The following VRK2 variants were observed in gnomAD, a reference collection of about 807,000 sequenced individuals.
VRK2 encodes VRK serine/threonine kinase 2.
Under a neutral mutation model 57.6 loss-of-function variants are expected in VRK2, and 60 were observed. The ratio of observed to expected loss-of-function variants is 1.04; its 90% CI spans 0.85 to 1.29. The LOEUF (loss-of-function observed/expected upper bound fraction) is 1.29. Ranked by LOEUF, VRK2 falls within the 50% of genes most tolerant of loss-of-function variation. The probability of loss-of-function intolerance (pLI) is 0.00; values close to 1 mark genes in which losing one functional copy is unlikely to be tolerated. For synonymous variants in VRK2, 231 were observed against 199.2 expected, an observed-to-expected ratio of 1.16 and a Z score of -1.35; for missense variants, 705 against 588.1, an observed-to-expected ratio of 1.20 and a Z score of -2.06.
intron 1 of VRK2, among the ~76,000 whole-genome samples, chr2:57,985,377 T>G (rs369376074): frequency 3.9e-5 from 6 of 152,202 alleles, no homozygotes; most frequent in Admixed American, 6.5e-5. Flanking sequence ...GACATATTTC[T>G]GTGGCTATTT....
intron 1 of VRK2, among the ~76,000 whole-genome samples, chr2:58,007,422 G>A (rs200487385): frequency 6.6e-6 from 1 of 151,574 alleles, no homozygotes; most frequent in East Asian, 1.9e-4. Context: ...CTTCCAGCCC[G>A]AGACAGCAAG....
chr2:58,114,571 TAA>T (rs1380127413), intron 7 of VRK2, among the ~76,000 whole-genome samples: 1 of 152,136 alleles, frequency 6.6e-6, no homozygotes, highest in African/African-American at 2.4e-5. Context: ...GCGAAAGTGG[TAA>T]AAGTATTGTC....
chr2:58,031,516 T>A (rs554241190), intron 2 of VRK2, among the ~76,000 whole-genome samples: 93 of 152,124 alleles, frequency 6.1e-4, no homozygotes, highest in African/African-American at 2.0e-3. Flanking sequence ...AGAGTTAAAA[T>A]AAAGAAAACA....
intron 1 of VRK2, among the ~76,000 whole-genome samples, chr2:57,962,577 T>A (rs560662424): frequency 1.3e-5 from 2 of 152,182 alleles, no homozygotes; most frequent in South Asian, 2.1e-4. Context: ...CCTCCCTCCC[T>A]CCATCCTCAA....
At chr2:57,918,630 C>A (rs1670232454) in intron 1 of VRK2, among the ~76,000 whole-genome samples, 1 of 152,070 alleles carries the variant, frequency 6.6e-6, no homozygotes, top group African/African-American at 2.4e-5. Flanking sequence ...ATTGTGAAAG[C>A]ACCCATCTAA....
At chr2:57,987,217 C>A (rs72808493) in intron 1 of VRK2, among the ~76,000 whole-genome samples, 7,849 of 151,986 alleles carry the variant, frequency 0.052, 272 homozygotes, top group Non-Finnish European at 0.078. Flanking sequence ...TATAATAAAA[C>A]AACAAACCAC....
intron 12 of VRK2, among the ~76,000 whole-genome samples, chr2:58,151,747 T>C (rs1683092353): frequency 8.7e-6 from 1 of 114,946 alleles, no homozygotes; most frequent in African/African-American, 3.8e-5. Flanking sequence ...TTTTTTTTTT[T>C]TTTTTTTTTT....
intron 2 of VRK2, chr2:58,058,522 CAT>C (rs1354979470): frequency 5.5e-5 from 22 of 400,634 alleles, no homozygotes; most frequent in Non-Finnish European, 1.0e-4. Flanking sequence ...ACCTCTTAGA[CAT>C]AATGTTACCA....
intron 1 of VRK2, among the ~76,000 whole-genome samples, chr2:57,973,335 C>T (rs1379492665): frequency 1.3e-5 from 2 of 151,786 alleles, no homozygotes; most frequent in African/African-American, 2.4e-5. Flanking sequence ...AAAGTATGAT[C>T]TCTTATTAAC....
At chr2:57,985,208 G>A (rs1419877566) in intron 1 of VRK2, among the ~76,000 whole-genome samples, 1 of 151,942 alleles carries the variant, frequency 6.6e-6, no homozygotes, top group Non-Finnish European at 1.5e-5. Context: ...ATTCACTAAT[G>A]CAATCATAAA....
At chr2:57,998,182 T>C (rs1362239923) in intron 1 of VRK2, among the ~76,000 whole-genome samples, 1 of 152,218 alleles carries the variant, frequency 6.6e-6, no homozygotes, top group African/African-American at 2.4e-5. Flanking sequence ...AAAGCCTTTC[T>C]GCCCTGTTTT....
intron 12 of VRK2, among the ~76,000 whole-genome samples, chr2:58,151,601 T>G (rs896189784): frequency 6.6e-6 from 1 of 151,622 alleles, no homozygotes; most frequent in Non-Finnish European, 1.5e-5. Context: ...ACTATTGATA[T>G]AGCTGGGTTT....
intron 1 of VRK2, among the ~76,000 whole-genome samples, chr2:57,988,742 T>G (rs1416187613): frequency 1.3e-5 from 2 of 152,188 alleles, no homozygotes; most frequent in African/African-American, 4.8e-5. Flanking sequence ...ACTCCCCTGG[T>G]TCTCAGGCCT....
At chr2:57,913,083 C>T (rs1316815848) in intron 1 of VRK2, among the ~76,000 whole-genome samples, 4 of 152,138 alleles carry the variant, frequency 2.6e-5, no homozygotes, top group Admixed American at 6.6e-5. Flanking sequence ...AAAACAAATG[C>T]TTGTTGTTTA....
At chr2:57,955,336 T>A (rs71418413) in intron 1 of VRK2, among the ~76,000 whole-genome samples, 5,819 of 147,472 alleles carry the variant, frequency 0.039, 114 homozygotes, top group Non-Finnish European at 0.054. Context: ...TCTGTAAATA[T>A]ATGCAAACAC....
chr2:58,044,316 G>C (rs150780141), upstream of VRK2, among the ~76,000 whole-genome samples: 1 of 152,024 alleles, frequency 6.6e-6, no homozygotes, highest in Non-Finnish European at 1.5e-5. Flanking sequence ...TTTTCACCTC[G>C]TTACCTAGAC....
At chr2:58,151,804 T>A (rs1479547050) in intron 12 of VRK2, among the ~76,000 whole-genome samples, 8 of 130,122 alleles carry the variant, frequency 6.1e-5, no homozygotes, top group African/African-American at 2.2e-4. Context: ...GTCAGCTCCA[T>A]AGCCTATGGG....
At chr2:58,028,899 AATAAATAT>A (rs1355633019) in intron 2 of VRK2, among the ~76,000 whole-genome samples, 7,931 of 79,112 alleles carry the variant, frequency 0.1, 256 homozygotes, top group Non-Finnish European at 0.13. Flanking sequence ...TAAATAAATA[AATAAATAT>A]ATATATATAT....
At chr2:58,086,552 T>G in intron 5 of VRK2, 126 bp downstream of exon 5, 1 of 741,474 alleles carries the variant, frequency 1.3e-6, no homozygotes, top group Non-Finnish European at 2.1e-6. Context: ...TTGTATTGTC[T>G]TAGTTTCTGT....
Sources: allele counts gnomAD v4.1 joint callset (sites outside exome capture counted in the v4.1 genomes callset), GRCh38; gene constraint gnomAD v4.1.1; transcripts MANE v1.5; gene names NCBI Gene and HGNC (gene_info 2026-07-23, HGNC 2026-07-21).